SYT6: variants seen among roughly 807,000 people sequenced by gnomAD.
SYT6 encodes the protein synaptotagmin-6.
Under a neutral mutation model 38.4 loss-of-function variants are expected in SYT6, and 24 were observed. The observed-to-expected ratio is 0.62, with a 90% CI of 0.45 to 0.88. SYT6 has a LOEUF of 0.88. Among genes scored for constraint, SYT6 ranks in the 40% least tolerant of loss-of-function variants. SYT6 has a pLI of 0.00. For synonymous variants in SYT6, 265 were observed against 241.9 expected (o/e 1.10, Z -0.89); for missense variants, 611 against 621.0 (o/e 0.98, Z 0.17).
rs12141757 is a variant in SYT6 at position 114,090,688 on chromosome 1, C to T, written c.*1446G>A. On this transcript the variant is annotated 3_prime_UTR_variant, in exon 8 of 8. Transcript: ENST00000610222. ...ACAGCTCAGGAAACTGGCACTGTGT[C>T]GCCACAAGTCGAAGTAGAAACTCAC... 0.19 allele frequency: 28,684 copies of T among 152,372 alleles called. 3,149 individuals are homozygous for T. Among genetic ancestry groups the T allele is most frequent in the Non-Finnish European group, 0.26 (17,661 of 67,988 alleles). 9.4% of individuals were successfully genotyped at this position (152,372 alleles called of 1,614,324 possible).
chr1:114,112,897 C>T (rs779215703), intron 3 of SYT6, among the ~76,000 whole-genome samples: 1 of 152,168 alleles, frequency 6.6e-6, no homozygotes, highest in Non-Finnish European at 1.5e-5. Context: ...CTCTGCCCCT[C>T]GCAGGGCTGT....
At chr1:114,138,081 G>T in intron 2 of SYT6, 28 bp from the exon 3 acceptor site, 1 of 1,600,128 alleles carries the variant, frequency 6.2e-7, no homozygotes, top group Non-Finnish European at 8.5e-7. Context: ...GGGGCAGAGG[G>T]AGTGTGGTCA....
At chr1:114,106,770 A>T (rs778308318) in intron 3 of SYT6, among the ~76,000 whole-genome samples, 66 of 151,794 alleles carry the variant, frequency 4.3e-4, no homozygotes, top group Non-Finnish European at 9.0e-4. Context: ...TCTCTCCCGA[A>T]CACCCCTGCA....
Position 114,137,980 on chromosome 1 carries a change from G to A in SYT6, c.586C>T (p.Pro196Ser), listed in dbSNP as rs780623577. 14 of 1,614,040 alleles carry A rather than the reference G, an allele frequency of 8.7e-6. No individual in the cohort carries two copies. Among genetic ancestry groups the A allele is most frequent in the Non-Finnish European group, 1.1e-5 (13 of 1,180,018 alleles). ...ATGCTGGTGGGCTGCTCTGCTGCTG[G>A]TGGAAGCTCATTGCCATAGTCTACA... ...SSVDYGNELP[P>S]AAEQPTSIGR... The change falls in exon 3 of 8, where the codon CCA (proline) becomes TCA (serine). Residue 196 changes from proline to serine, a missense_variant. Pro to Ser is a moderately conservative substitution (Grantham distance 74). Transcript: ENST00000610222.
At chr1:114,129,702 C>A (rs1342934562) in intron 3 of SYT6, among the ~76,000 whole-genome samples, 1 of 144,682 alleles carries the variant, frequency 6.9e-6, no homozygotes, top group Admixed American at 7.0e-5. Flanking sequence ...CAGAGTCTTG[C>A]TCTGTTGGCC....
At position 114,135,167 on chromosome 1, in the gene SYT6, A is replaced by G. The variant is rs1417739745; in HGVS notation, c.1071+2328T>C. Among the ~76,000 whole-genome samples the G allele has an allele frequency of 1.6e-4, 24 of 151,746 alleles. 1 individual carries two copies. The highest frequency in any genetic ancestry group is 1.6e-3 in the Admixed American group (24 of 15,244). ...ATGGGTGGGGCTCTGCAGCTTGGGA[A>G]ACTCCTGCACCTGGACTCCCTCTGC... On this transcript the variant is annotated intron_variant, in intron 3 of 7. Transcript: ENST00000610222.
At chr1:114,092,452 A>G (rs375854396) in intron 7 of SYT6, among the ~76,000 whole-genome samples, 2 of 152,272 alleles carry the variant, frequency 1.3e-5, no homozygotes, top group East Asian at 3.9e-4. Flanking sequence ...GCAGCGAAAG[A>G]GGCAGTGTGC....
At chr1:114,147,570 G>A (rs1485846160) in intron 1 of SYT6, among the ~76,000 whole-genome samples, 1 of 152,188 alleles carries the variant, frequency 6.6e-6, no homozygotes, top group Non-Finnish European at 1.5e-5. Context: ...TTGTACAGGG[G>A]CACATGGCTT....
rs187336481 is a variant in SYT6 at position 114,099,083 on chromosome 1, C to A, written c.1364+11G>T. On this transcript the variant is annotated intron_variant, in intron 5 of 7. Coordinates refer to ENST00000610222, the MANE Select transcript of SYT6 (RefSeq NM_001253772.2). ...GGGGTAGAATTACGTCCCTCTAGGA[C>A]GCCTACCTACCGATCATAGTCCATG... The A allele has an allele frequency of 6.2e-7, 1 of 1,607,076 alleles. No homozygotes were observed. The highest frequency in any genetic ancestry group is 8.5e-7 in the Non-Finnish European group (1 of 1,176,150).
intron 3 of SYT6, among the ~76,000 whole-genome samples, chr1:114,117,611 C>T (rs1677077574): frequency 1.3e-5 from 2 of 152,214 alleles, no homozygotes; most frequent in African/African-American, 4.8e-5. Context: ...TCTTTCTTCC[C>T]TCCCAGCCCT....
At chr1:114,104,532 G>A (rs1175931192) in intron 3 of SYT6, among the ~76,000 whole-genome samples, 2 of 152,138 alleles carry the variant, frequency 1.3e-5, no homozygotes, top group Admixed American at 6.5e-5. Flanking sequence ...GAAGGAGGGC[G>A]CTGTCACGGT....
At chr1:114,138,411 G>A (rs1459688874) in intron 2 of SYT6, among the ~76,000 whole-genome samples, 1 of 152,086 alleles carries the variant, frequency 6.6e-6, no homozygotes, top group Non-Finnish European at 1.5e-5. Context: ...GATTCCTTAA[G>A]AGAAGGACCA....
chr1:114,105,852 C>T (rs1324943988), intron 3 of SYT6, among the ~76,000 whole-genome samples: 2 of 152,224 alleles, frequency 1.3e-5, no homozygotes, highest in African/African-American at 2.4e-5. Flanking sequence ...CCCTTCTGCA[C>T]CTTGGCTTAC....
chr1:114,110,507 G>A (rs1676612971), intron 3 of SYT6, among the ~76,000 whole-genome samples: 2 of 152,164 alleles, frequency 1.3e-5, no homozygotes, highest in Admixed American at 6.5e-5. Context: ...GTCTGGCTGG[G>A]GGAAGCGGAT....
Position 114,137,554 on chromosome 1 carries a change from C to A in SYT6, c.1012G>T (p.Glu338Ter), listed in dbSNP as rs372391666. ...IGEVILDNLF[E>*]ASDLSRETSI... ...GTTTCCCGAGACAGGTCAGAGGCCT[C>A]AAAGAGGTTGTCCAGGATGACCTCG... Residue 338 changes from glutamate (E) to a stop codon, truncating the protein, a stop_gained, in exon 3 of 8, where the codon GAG (glutamate) becomes TAG (stop). Coordinates refer to ENST00000610222, the MANE Select transcript of SYT6 (RefSeq NM_001253772.2). LOFTEE classifies it high-confidence loss of function. The A allele has an allele frequency of 3.1e-6, 5 of 1,614,196 alleles. No homozygotes were observed. The highest frequency in any genetic ancestry group is 4.2e-6 in the Non-Finnish European group (5 of 1,180,042).
In SYT6 at chr1:114,092,066, G is replaced by A; in HGVS notation, c.*68C>T. On this transcript the variant is annotated 3_prime_UTR_variant, in exon 8 of 8. Transcript: ENST00000610222. The stretch of plus-strand genomic sequence containing the variant: ...GCACGAGCTCTCACTGTCGAAGCTA[G>A]CAGCTCGGCCCTGCCACTGCAAAGA... 2 of 1,536,264 alleles carry A rather than the reference G, an allele frequency of 1.3e-6. No individual in the cohort carries two copies. The highest frequency in any genetic ancestry group is 8.7e-7 in the Non-Finnish European group (1 of 1,146,892).
rs148168972 is a variant in SYT6, at chr1:114,097,845, C to T, written c.1397G>A (p.Arg466His). 3.9e-5 allele frequency: 63 copies of T among 1,614,204 alleles called. No individual in the cohort carries two copies. The highest frequency in any genetic ancestry group is 2.0e-4 in the African/African-American group (15 of 75,054). The part of the protein sequence containing the change: ...VGHNEIIGVC[R>H]VGITAEGLGR... The stretch of plus-strand genomic sequence containing the variant: ...CAGGCCTTCAGCAGTGATCCCCACA[C>T]GACAGACTCCTATGATCTCATTGTG... The change falls in exon 6 of 8, where the codon CGT (arginine) becomes CAT (histidine). Residue 466 changes from arginine to histidine, a missense_variant. Physicochemically the swap from Arg to His is conservative, Grantham distance 29. Transcript: ENST00000610222.
At chr1:114,131,449 A>G (rs1678146037) in intron 3 of SYT6, among the ~76,000 whole-genome samples, 1 of 151,926 alleles carries the variant, frequency 6.6e-6, no homozygotes, top group Non-Finnish European at 1.5e-5. Context: ...ATCTCATCTG[A>G]CTCTGATTTC....
chr1:114,137,645 C>T lies in SYT6; in HGVS notation c.921G>A (p.Leu307=). Residue 307 remains leucine, a synonymous_variant, in exon 3 of 8, where the codon CTG becomes CTA. Coordinates refer to ENST00000610222, the MANE Select transcript of SYT6 (RefSeq NM_001253772.2). ...NFHFPVPYEE[L]ADRKLHLSVF... is the part of the protein sequence containing the mutation. ...CACTGAGATGCAGCTTGCGGTCAGC[C>T]AGCTCCTCATAGGGCACAGGGAAGT... 4 of 1,614,192 alleles carry T rather than the reference C, an allele frequency of 2.5e-6. No homozygotes were observed. The highest frequency in any genetic ancestry group is 3.4e-6 in the Non-Finnish European group (4 of 1,180,024).
Sources: allele counts gnomAD v4.1 joint callset (sites outside exome capture counted in the v4.1 genomes callset), GRCh38; gene constraint gnomAD v4.1.1; transcripts MANE v1.5; gene names NCBI Gene and HGNC (gene_info 2026-07-23, HGNC 2026-07-21).